LINC00632: variants seen among roughly 807,000 people sequenced by gnomAD.
The protein encoded by LINC00632 is long independently transcribed non-coding RNA 632, also known as ALDOA related specific transcript.
chrX:140,718,499 G>A (rs746202635), intron 2 of LINC00632, among the ~76,000 whole-genome samples: 88 of 104,563 alleles, frequency 8.4e-4, no homozygotes, highest in Non-Finnish European at 1.4e-3. Flanking sequence ...TGCAACCTCC[G>A]CATCCTGGGT....
rs73590121 is a variant in LINC00632, at chrX:140,716,748, A to C, written n.104+5092A>C. ...GGAAGCCAGGCTGTGTGTTGTACCC[A>C]ACCTCACCCCACAAGGCACAGGCCC... On this transcript the variant is annotated intron_variant and non_coding_transcript_variant, in intron 2 of 4. Transcript: ENST00000648200. Among the ~76,000 whole-genome samples the C allele has an allele frequency of 4.2e-3, 432 of 103,500 alleles. 3 individuals are homozygous for C. Among genetic ancestry groups the C allele is most frequent in the African/African-American group, 0.015 (416 of 28,194 alleles). The allele number at this position is 103,500 out of a possible 115,157, so 89.9% of individuals were successfully genotyped here.
intron 3 of LINC00632, among the ~76,000 whole-genome samples, chrX:140,751,233 T>C (rs1355677806): frequency 9.0e-6 from 1 of 110,670 alleles, no homozygotes; most frequent in Non-Finnish European, 1.9e-5. Flanking sequence ...CTAGTTTACA[T>C]TCCCACCAGC....
At chrX:140,746,654 A>C (rs1396111571) in intron 3 of LINC00632, among the ~76,000 whole-genome samples, 1 of 112,360 alleles carries the variant, frequency 8.9e-6, no homozygotes, top group Non-Finnish European at 1.9e-5. Context: ...GGGCTAAACT[A>C]AAAATTATAA....
chrX:140,715,089 G>C (rs1930600348), intron 2 of LINC00632, among the ~76,000 whole-genome samples: 1 of 111,035 alleles, frequency 9.0e-6, no homozygotes, highest in Admixed American at 9.7e-5. Flanking sequence ...TTCTACAACA[G>C]ACACACTCAG....
At chrX:140,750,655 C>T (rs1424586371) in intron 3 of LINC00632, among the ~76,000 whole-genome samples, 1 of 110,487 alleles carries the variant, frequency 9.1e-6, no homozygotes, top group African/African-American at 3.3e-5. Flanking sequence ...TTTTGGGGTA[C>T]AGGTGGTTTT....
At chrX:140,725,128 CCATACACACACATTG>C (rs1245078109) in intron 2 of LINC00632, among the ~76,000 whole-genome samples, 4 of 63,821 alleles carry the variant, frequency 6.3e-5, no homozygotes, top group Admixed American at 1.7e-4. Flanking sequence ...CACACACATT[CCATACACACACATTG>C]CATACCAACA....
chrX:140,757,640 C>A (rs929325794), intron 3 of LINC00632, among the ~76,000 whole-genome samples: 3 of 111,474 alleles, frequency 2.7e-5, no homozygotes, highest in African/African-American at 9.8e-5. Context: ...AATCTCGGCT[C>A]ACTGCAACCT....
At position 140,777,190 on chromosome X, in the gene LINC00632, T is replaced by C. The variant is rs193180297; in HGVS notation, n.5209T>C. On this transcript the variant is annotated non_coding_transcript_exon_variant, in exon 5 of 5. Transcript: ENST00000648200. Reference sequence around the variant, plus strand: ...AGCATTAGGACAAATACCTAATGCATACGGGGCTTAAAACCTAGATGAAGG... The same window carrying C: ...AGCATTAGGACAAATACCTAATGCACACGGGGCTTAAAACCTAGATGAAGG... Among the ~76,000 whole-genome samples the C allele has an allele frequency of 4.2e-3, 461 of 110,691 alleles. 5 individuals are homozygous for C. The highest frequency in any genetic ancestry group is 0.014 in the African/African-American group (418 of 30,337).
intron 3 of LINC00632, among the ~76,000 whole-genome samples, chrX:140,734,140 T>A (rs918692024): frequency 8.9e-6 from 1 of 112,113 alleles, no homozygotes; most frequent in Admixed American, 9.5e-5. Context: ...CTCTAACTTT[T>A]CCCCCTGCCG....
exon 4 of LINC00632, among the ~76,000 whole-genome samples, chrX:140,773,241 G>A (rs1353316352): frequency 8.9e-6 from 1 of 112,117 alleles, no homozygotes; most frequent in East Asian, 2.8e-4. Flanking sequence ...GCTGTGGCCT[G>A]TAATGAAAAG....
chrX:140,714,338 C>A, intron 2 of LINC00632: 1 of 124,847 alleles, frequency 8.0e-6, no homozygotes, highest in Non-Finnish European at 1.7e-5. Context: ...CCCCGCAAAG[C>A]ACAGACTAAA....
chrX:140,773,768 G>T (rs1020444630), exon 4 of LINC00632, among the ~76,000 whole-genome samples: 1 of 111,911 alleles, frequency 8.9e-6, no homozygotes, highest in African/African-American at 3.2e-5. Context: ...ATTACCCCCA[G>T]TACGACTCCA....
At chrX:140,730,539 G>A (rs1442852348) in intron 2 of LINC00632, among the ~76,000 whole-genome samples, 1 of 109,437 alleles carries the variant, frequency 9.1e-6, no homozygotes, top group East Asian at 2.9e-4. Context: ...AGAACACTCA[G>A]GCTTGCCTCA....
At chrX:140,719,576 G>A (rs968298588) in intron 2 of LINC00632, among the ~76,000 whole-genome samples, 3 of 108,847 alleles carry the variant, frequency 2.8e-5, no homozygotes, top group African/African-American at 1.0e-4. Context: ...AATTATAGGC[G>A]TGAGCCACCA....
At chrX:140,723,551 A>ACACACACACATTC (rs1930790285) in intron 2 of LINC00632, among the ~76,000 whole-genome samples, 1 of 2,866 alleles carries the variant, frequency 3.5e-4, no homozygotes, top group African/African-American at 1.1e-3. Context: ...CATTCCATAC[A>ACACACACACATTC]CATACACAGA....
intron 3 of LINC00632, among the ~76,000 whole-genome samples, chrX:140,756,104 A>G (rs1366519368): frequency 9.0e-6 from 1 of 111,686 alleles, no homozygotes; most frequent in Non-Finnish European, 1.9e-5. Flanking sequence ...TTTTTAGAAC[A>G]GCTGTAAGGG....
intron 3 of LINC00632, among the ~76,000 whole-genome samples, chrX:140,769,468 T>C (rs972074526): frequency 2.7e-5 from 3 of 110,041 alleles, no homozygotes; most frequent in Non-Finnish European, 5.7e-5. Flanking sequence ...TTCGGTTTTT[T>C]CTCCACCCCA....
chrX:140,723,592 TAC>T (rs773594992), intron 2 of LINC00632, among the ~76,000 whole-genome samples: 7 of 1,276 alleles, frequency 5.5e-3, no homozygotes, highest in Non-Finnish European at 9.8e-3. Context: ...ACACATTCCA[TAC>T]ACAGACACAC....
exon 5 of LINC00632, among the ~76,000 whole-genome samples, chrX:140,787,186 A>AC (rs1932030153): frequency 1.8e-5 from 2 of 111,478 alleles, no homozygotes; most frequent in African/African-American, 6.5e-5. Context: ...GTGAAAAAAA[A>AC]CAAATTCTCA....
Sources: gnomAD v4.1 joint callset for allele counts (sites outside exome capture counted in the v4.1 genomes callset) on GRCh38, gnomAD v4.1.1 for gene constraint, MANE v1.5 for transcripts, NCBI Gene and HGNC (gene_info 2026-07-23, HGNC 2026-07-21) for gene names.